FAM219A: variants seen among roughly 807,000 people sequenced by gnomAD.
FAM219A encodes the protein family with sequence similarity 219 member A.
FAM219A carries 7 observed loss-of-function variants against 23.4 expected under a neutral mutation model. The ratio of observed to expected loss-of-function variants is 0.30; its 90% CI spans 0.17 to 0.56. The LOEUF is 0.56. Among genes scored for constraint, FAM219A ranks in the 20% least tolerant of loss-of-function variants. FAM219A has a pLI of 0.92. For synonymous variants in FAM219A, 93 were observed against 99.0 expected, an observed-to-expected ratio of 0.94 and a Z score of 0.36; for missense variants, 166 against 246.9, an observed-to-expected ratio of 0.67 and a Z score of 2.20.
At chr9:34,452,714 C>T (rs907036759) in intron 1 of FAM219A, among the ~76,000 whole-genome samples, 1 of 152,180 alleles carries the variant, frequency 6.6e-6, no homozygotes, top group African/African-American at 2.4e-5. Flanking sequence ...AAATGCACTC[C>T]TTTGTTTCTT....
At chr9:34,419,166 TA>T (rs55775096) in intron 1 of FAM219A, among the ~76,000 whole-genome samples, 2 of 151,984 alleles carry the variant, frequency 1.3e-5, no homozygotes, top group African/African-American at 4.8e-5. Context: ...AATTTTTTTT[TA>T]AAAAAATTGA....
intron 1 of FAM219A, among the ~76,000 whole-genome samples, chr9:34,449,693 T>C (rs1483300263): frequency 6.6e-6 from 1 of 152,218 alleles, no homozygotes; most frequent in Non-Finnish European, 1.5e-5. Flanking sequence ...ATGAAACACA[T>C]TGGTTCTGTA....
At chr9:34,435,300 C>T (rs1311316564) in intron 1 of FAM219A, among the ~76,000 whole-genome samples, 6 of 152,172 alleles carry the variant, frequency 3.9e-5, no homozygotes, top group African/African-American at 1.4e-4. Flanking sequence ...AGCATTTCCA[C>T]ACTCAATTCA....
chr9:34,445,609 A>G (rs1272773524), intron 1 of FAM219A, among the ~76,000 whole-genome samples: 4 of 152,236 alleles, frequency 2.6e-5, no homozygotes, highest in African/African-American at 9.6e-5. Flanking sequence ...GGTAGCAAGT[A>G]TGGCCAGCTT....
At chr9:34,424,843 C>T (rs768046619) in intron 1 of FAM219A, among the ~76,000 whole-genome samples, 7 of 152,204 alleles carry the variant, frequency 4.6e-5, no homozygotes, top group Admixed American at 4.6e-4. Flanking sequence ...GGGTCTCACT[C>T]TGTCACTCAG....
At chr9:34,436,833 G>A (rs1385180376) in intron 1 of FAM219A, among the ~76,000 whole-genome samples, 4 of 152,166 alleles carry the variant, frequency 2.6e-5, no homozygotes, top group Non-Finnish European at 4.4e-5. Context: ...TTTCATGGGT[G>A]TCATATTACC....
intron 2 of FAM219A, among the ~76,000 whole-genome samples, chr9:34,404,957 A>G (rs1170569263): frequency 1.3e-5 from 2 of 152,286 alleles, no homozygotes; most frequent in Admixed American, 1.3e-4. Flanking sequence ...AGTTGTAGGC[A>G]AAGGGCCCTT....
At position 34,401,129 on chromosome 9, in the gene FAM219A, G is replaced by T; in HGVS notation, c.400-7C>A. 1 of 1,612,872 alleles carries T rather than the reference G, an allele frequency of 6.2e-7. No homozygotes were observed. On this transcript the variant is annotated splice_polypyrimidine_tract_variant and splice_region_variant and intron_variant, in intron 5 of 5. Coordinates refer to ENST00000651358, the MANE Select transcript of FAM219A (RefSeq NM_001184940.2). ...TCAAATCTTGGTTGATCTGCTGTAG[G>T]CAAAGGGGAGGGAGGTCAGGCCCGA...
Position 34,458,148 on chromosome 9 carries a change from T to G in FAM219A, c.60+56A>C. On this transcript the variant is annotated intron_variant, in intron 1 of 5. Coordinates refer to ENST00000651358, the MANE Select transcript of FAM219A (RefSeq NM_001184940.2). The surrounding 1 kb of genome is among the most constrained non-coding windows in gnomAD (Gnocchi z 6.6). The stretch of plus-strand genomic sequence containing the variant: ...GATCCCCCCGGCCTGATTCCCTCCC[T>G]CCCCCTCAAGCGACGCCCCCTCCGG... The G allele has an allele frequency of 7.2e-5, 85 of 1,177,704 alleles. No individual in the cohort carries two copies. The highest frequency in any genetic ancestry group is 8.9e-5 in the Non-Finnish European group (76 of 853,306). 73.0% of individuals were successfully genotyped at this position (1,177,704 alleles called of 1,614,324 possible).
intron 1 of FAM219A, among the ~76,000 whole-genome samples, chr9:34,416,302 G>GGAAC (rs1822026178): frequency 8.6e-6 from 1 of 116,150 alleles, no homozygotes; most frequent in Non-Finnish European, 2.2e-5. Context: ...AAGGAAGGAA[G>GGAAC]GAAGGAACGA....
chr9:34,431,585 G>A (rs1822705719), intron 1 of FAM219A, among the ~76,000 whole-genome samples: 1 of 152,122 alleles, frequency 6.6e-6, no homozygotes, highest in South Asian at 2.1e-4. Context: ...CTAAATCCAA[G>A]AGGAGAGAGC....
At chr9:34,448,548 T>C (rs1486581134) in intron 1 of FAM219A, among the ~76,000 whole-genome samples, 1 of 152,232 alleles carries the variant, frequency 6.6e-6, no homozygotes, top group Non-Finnish European at 1.5e-5. Context: ...AAAATAATTA[T>C]GCAGGAATGT....
intron 1 of FAM219A, among the ~76,000 whole-genome samples, chr9:34,420,310 C>T (rs1452762617): frequency 1.3e-5 from 2 of 152,088 alleles, no homozygotes; most frequent in Non-Finnish European, 1.5e-5. Context: ...CAGAGGAGAG[C>T]GATAATGGTA....
rs1392999401 is a variant in FAM219A, at chr9:34,417,069, T to C, written c.61-11105A>G. On this transcript the variant is annotated intron_variant, in intron 1 of 5. Transcript: ENST00000651358. This position sits in a 1 kb window ranked among gnomAD's most constrained non-coding sequence, Gnocchi z 4.1. ...CCCCTTCCCTTTCCCCTTCCCCTTC[T>C]CCTTCTTCTTCTTTTTGGAGTCAGA... Among the ~76,000 whole-genome samples the C allele has an allele frequency of 6.8e-6, 1 of 147,772 alleles. No individual in the cohort carries two copies. Among genetic ancestry groups the C allele is most frequent in the Non-Finnish European group, 1.5e-5 (1 of 65,482 alleles).
In FAM219A at chr9:34,398,459, G is replaced by T; in HGVS notation, c.*2505C>A. 1 of 1,383,010 alleles carries T rather than the reference G, an allele frequency of 7.2e-7. No individual in the cohort carries two copies. The highest frequency in any genetic ancestry group is 1.0e-6 in the Non-Finnish European group (1 of 1,002,212). The allele number at this position is 1,383,010 out of a possible 1,614,324, so 85.7% of individuals were successfully genotyped here. A position where few individuals can be genotyped will look rare whatever the true frequency, so the allele number is the denominator to read the frequency against. ...TTCTTCCCTCCAACCTCCCAGACAGGGAAGGAGGGAGCCACACCCCTCCCT... is the reference window on the plus strand; with the variant it reads ...TTCTTCCCTCCAACCTCCCAGACAGTGAAGGAGGGAGCCACACCCCTCCCT... On this transcript the variant is annotated 3_prime_UTR_variant, in exon 6 of 6. Coordinates refer to ENST00000651358, the MANE Select transcript of FAM219A (RefSeq NM_001184940.2).
Position 34,398,573 on chromosome 9 carries a change from A to T in FAM219A, c.*2391T>A, listed in dbSNP as rs41314238. Reference sequence around the variant, plus strand: ...GGAAGCCCTTGCCTGCCAGGGAACTAGTATGTCCTGTGGGGGGGGAGATTT... The same window carrying T: ...GGAAGCCCTTGCCTGCCAGGGAACTTGTATGTCCTGTGGGGGGGGAGATTT... On this transcript the variant is annotated 3_prime_UTR_variant, in exon 6 of 6. Transcript: ENST00000651358. 9.4e-4 allele frequency: 560 copies of T among 597,690 alleles called. 1 individual carries two copies. Among genetic ancestry groups the T allele is most frequent in the Non-Finnish European group, 1.5e-3 (502 of 337,746 alleles). 37.0% of individuals were successfully genotyped at this position (597,690 alleles called of 1,614,324 possible). A position where few individuals can be genotyped will look rare whatever the true frequency, so the allele number is the denominator to read the frequency against.
chr9:34,454,770 G>A (rs1293254988), intron 1 of FAM219A, among the ~76,000 whole-genome samples: 1 of 152,152 alleles, frequency 6.6e-6, no homozygotes, highest in Non-Finnish European at 1.5e-5. Context: ...TTCTTTTCAA[G>A]CCTGAGTTTC....
At chr9:34,421,339 C>A (rs554351366) in intron 1 of FAM219A, among the ~76,000 whole-genome samples, 5 of 152,214 alleles carry the variant, frequency 3.3e-5, no homozygotes, top group Admixed American at 6.5e-5. Flanking sequence ...AACACCAACT[C>A]AGGGTGTGTT....
At chr9:34,433,478 C>T (rs920484874) in intron 1 of FAM219A, among the ~76,000 whole-genome samples, 2 of 152,216 alleles carry the variant, frequency 1.3e-5, no homozygotes, top group Non-Finnish European at 2.9e-5. Flanking sequence ...TCTCCTCTTC[C>T]TCCAACTCAT....
Sources: gnomAD v4.1 joint callset for allele counts (sites outside exome capture counted in the v4.1 genomes callset) on GRCh38, gnomAD v4.1.1 for gene constraint, Gnocchi (gnomAD v3.1) non-coding constraint, MANE v1.5 for transcripts, NCBI Gene and HGNC (gene_info 2026-07-23, HGNC 2026-07-21) for gene names.